Variants in LRP3 observed in about 807,000 individuals in gnomAD.
The protein encoded by LRP3 is LDL receptor related protein 3.
In LRP3, 49 loss-of-function variants were observed where a neutral mutation model predicts 58.5. The ratio of observed to expected loss-of-function variants is 0.84; its 90% CI spans 0.67 to 1.06. LRP3 has a LOEUF of 1.06. Among genes scored for constraint, LRP3 ranks in the 50% least tolerant of loss-of-function variants. LRP3 has a pLI of 0.00. For missense variants in LRP3, 1,019 were observed against 1,134.2 expected (o/e 0.90, Z 1.46); for synonymous variants, 485 against 492.2 (o/e 0.99, Z 0.20).
chr19:33,197,032 T>G (rs535032189), intron 2 of LRP3, among the ~76,000 whole-genome samples: 27 of 152,090 alleles, frequency 1.8e-4, no homozygotes, highest in Non-Finnish European at 3.7e-4. Flanking sequence ...TGAGGCAAGC[T>G]CTTAGTGTGG....
intron 1 of LRP3, among the ~76,000 whole-genome samples, chr19:33,195,566 A>G (rs959595777): frequency 2.7e-4 from 41 of 152,218 alleles, no homozygotes; most frequent in African/African-American, 8.4e-4. Context: ...GGAGGCCATT[A>G]TAAGAACTGG....
chr19:33,205,343 T>C lies in LRP3; in HGVS notation c.573T>C (p.Cys191=), dbSNP rs1256370062. ...GGCAGTGCAACACGGTGGACGAGTG[T>C]GGAGACGGCTCTGATGAGGGCAACT... ...GPWQCNTVDE[C]GDGSDEGNCS... is the part of the protein sequence containing the mutation. Residue 191 remains cysteine, a synonymous_variant, in exon 5 of 7, where the codon TGT becomes TGC. Transcript: ENST00000253193. 16 of 1,610,032 alleles carry C rather than the reference T, an allele frequency of 9.9e-6. No homozygotes were observed. The highest frequency in any genetic ancestry group is 1.4e-5 in the Non-Finnish European group (16 of 1,178,286).
At position 33,205,571 on chromosome 19, in the gene LRP3, C is replaced by T; in HGVS notation, c.801C>T (p.Ser267=). The stretch of plus-strand genomic sequence containing the variant: ...GCAGCTTCTACGGCTCCTTTGCCTC[C>T]CCAGACCTGTTCGGCGCCGCTCGCG... The part of the protein sequence containing the change: ...RLGSFYGSFA[S]PDLFGAARGP... The change falls in exon 5 of 7, where the codon TCC becomes TCT. Residue 267 remains serine (S), a synonymous_variant. Transcript: ENST00000253193. 1 of 1,608,154 alleles carries T rather than the reference C, an allele frequency of 6.2e-7. No homozygotes were observed. Among genetic ancestry groups the T allele is most frequent in the Non-Finnish European group, 8.5e-7 (1 of 1,178,764 alleles).
chr19:33,198,153 C>G (rs1744094327), intron 2 of LRP3, among the ~76,000 whole-genome samples: 1 of 152,168 alleles, frequency 6.6e-6, no homozygotes, highest in Non-Finnish European at 1.5e-5. Flanking sequence ...GGACACCCTC[C>G]TGCTGGTGGG....
At position 33,206,345 on chromosome 19, in the gene LRP3, G is replaced by T; in HGVS notation, c.1575G>T (p.Leu525=). ...GCTGCGCCTTCAAGCTCTACTCACT[G>T]CGCACGCAGGAATACAGGTGGGCGC... ...ALGCAFKLYS[L]RTQEYRAFET... The change falls in exon 5 of 7, where the codon CTG becomes CTT. Residue 525 remains leucine, a synonymous_variant. Coordinates refer to ENST00000253193, the MANE Select transcript of LRP3 (RefSeq NM_002333.4). 1 of 1,604,390 alleles carries T rather than the reference G, an allele frequency of 6.2e-7. No individual in the cohort carries two copies.
chr19:33,205,662 C>T lies in LRP3; in HGVS notation c.892C>T (p.Leu298=), dbSNP rs772669074. 5 of 1,609,244 alleles carry T rather than the reference C, an allele frequency of 3.1e-6. No individual in the cohort carries two copies. In the Admixed American group the frequency reaches 8.3e-5, roughly 27 times the overall value. The change falls in exon 5 of 7, where the codon CTG becomes TTG. Residue 298 remains leucine, a synonymous_variant. Coordinates refer to ENST00000253193, the MANE Select transcript of LRP3 (RefSeq NM_002333.4). ...GGACTCCCGGCGGGTGCTGCTGCAG[C>T]TGGAACTGCGGCTGGGCTATGACGA... is the stretch of plus-strand genomic sequence containing the variant. The part of the protein sequence containing the change: ...TQDSRRVLLQ[L]ELRLGYDDYV...
At chr19:33,199,127 C>T (rs866267732) in intron 2 of LRP3, among the ~76,000 whole-genome samples, 10 of 152,248 alleles carry the variant, frequency 6.6e-5, no homozygotes, top group Middle Eastern at 6.8e-3. Flanking sequence ...CCAACACCTC[C>T]GAACCCCTCC....
chr19:33,202,881 A>G lies in LRP3; in HGVS notation c.155A>G (p.Glu52Gly). 1 of 1,611,160 alleles carries G rather than the reference A, an allele frequency of 6.2e-7. No individual in the cohort carries two copies. Among genetic ancestry groups the G allele is most frequent in the Non-Finnish European group, 8.5e-7 (1 of 1,178,904 alleles). ...AGTGGGAAGCTGGAGCAGCACACGGAGCGGCGTGGGGTCATCTACAGCCCG... is the reference window on the plus strand; with the variant it reads ...AGTGGGAAGCTGGAGCAGCACACGGGGCGGCGTGGGGTCATCTACAGCCCG... Reference protein sequence around the residue: ...ACSGKLEQHTERRGVIYSPAW... With the variant: ...ACSGKLEQHTGRRGVIYSPAW... The change falls in exon 3 of 7, where the codon GAG becomes GGG. Residue 52 changes from glutamate to glycine, a missense_variant. Physicochemically the swap from Glu to Gly is moderately conservative, Grantham distance 98 (BLOSUM62 -2). This residue lies in a region of LRP3 where 592 missense variants were observed against 725.5 expected (regional missense o/e 0.82). Transcript: ENST00000253193.
At chr19:33,201,127 A>AGG (rs1161960428) in intron 2 of LRP3, among the ~76,000 whole-genome samples, 1 of 152,222 alleles carries the variant, frequency 6.6e-6, no homozygotes, top group Non-Finnish European at 1.5e-5. Context: ...GGCACTGTGC[A>AGG]GGGCCCTGGG....
At chr19:33,197,445 T>A (rs1221779507) in intron 2 of LRP3, among the ~76,000 whole-genome samples, 1 of 151,912 alleles carries the variant, frequency 6.6e-6, no homozygotes, top group African/African-American at 2.4e-5. Context: ...AGCAACATAG[T>A]GAAACTCCAT....
chr19:33,204,480 A>G (rs1599936049), intron 3 of LRP3, 158 bp from the exon 4 acceptor site: 3 of 649,098 alleles, frequency 4.6e-6, no homozygotes, highest in Non-Finnish European at 8.2e-6. Context: ...CTGGGAGTGG[A>G]GGAACCAGGC....
chr19:33,196,865 C>G (rs538441754), intron 2 of LRP3, 88 bp downstream of exon 2: 1 of 1,222,208 alleles, frequency 8.2e-7, no homozygotes, highest in African/African-American at 1.5e-5. Flanking sequence ...GGTCCTGGCA[C>G]TACCCCGAGT....
chr19:33,202,198 C>G (rs1169405630), intron 2 of LRP3, among the ~76,000 whole-genome samples: 1 of 152,250 alleles, frequency 6.6e-6, no homozygotes, highest in South Asian at 2.1e-4. Context: ...AAGGTGTGAT[C>G]AGATCCAGGT....
At chr19:33,201,341 G>A (rs1974339126) in intron 2 of LRP3, among the ~76,000 whole-genome samples, 1 of 152,166 alleles carries the variant, frequency 6.6e-6, no homozygotes, top group Admixed American at 6.5e-5. Context: ...GGTGGGGATA[G>A]CACCCACTAG....
At chr19:33,202,814 T>C in intron 2 of LRP3, 34 bp from the exon 3 acceptor site, 4 of 1,575,572 alleles carry the variant, frequency 2.5e-6, no homozygotes, top group Non-Finnish European at 3.4e-6. Context: ...CAACCAAAGA[T>C]GGGCCGGCCT....
chr19:33,208,733 C>A lies in LRP3; in HGVS notation c.*1158C>A. The A allele has an allele frequency of 1.1e-6, 1 of 914,492 alleles. No homozygotes were observed. Among genetic ancestry groups the A allele is most frequent in the Non-Finnish European group, 1.6e-6 (1 of 606,228 alleles). The allele number at this position is 914,492 out of a possible 1,614,324, so 56.6% of individuals were successfully genotyped here. On this transcript the variant is annotated 3_prime_UTR_variant, in exon 7 of 7. Transcript: ENST00000253193. The surrounding 1 kb of genome is among the most constrained non-coding windows in gnomAD (Gnocchi z 4.7). ...AGCAGGGCAGTGCTAAGACAGGAAA[C>A]CCAGTCCACATTTTAGGGCTTCCTT...
Position 33,208,826 on chromosome 19 carries a change from G to A in LRP3, c.*1251G>A. 3 of 1,502,544 alleles carry A rather than the reference G, an allele frequency of 2.0e-6. No homozygotes were observed. The highest frequency in any genetic ancestry group is 2.3e-5 in the South Asian group (2 of 87,078). 93.1% of individuals were successfully genotyped at this position (1,502,544 alleles called of 1,614,324 possible). A position where few individuals can be genotyped will look rare whatever the true frequency, so the allele number is the denominator to read the frequency against. ...GAAAAAAACAAAACAAAACTTTTTT[G>A]CCAAAACACCTCCTCAATAAACAAC... On this transcript the variant is annotated 3_prime_UTR_variant, in exon 7 of 7. Transcript: ENST00000253193. The surrounding 1 kb of genome is among the most constrained non-coding windows in gnomAD (Gnocchi z 4.7).
chr19:33,198,152 C>G (rs1356014170), intron 2 of LRP3, among the ~76,000 whole-genome samples: 1 of 152,186 alleles, frequency 6.6e-6, no homozygotes, highest in African/African-American at 2.4e-5. Context: ...AGGACACCCT[C>G]CTGCTGGTGG....
At chr19:33,199,474 G>C (rs1311013254) in intron 2 of LRP3, among the ~76,000 whole-genome samples, 1 of 129,880 alleles carries the variant, frequency 7.7e-6, no homozygotes, top group Admixed American at 8.0e-5. Flanking sequence ...TCTTGTCTCA[G>C]AAAAAAAAAA....
Sources: gnomAD v4.1 joint callset for allele counts (sites outside exome capture counted in the v4.1 genomes callset) on GRCh38, gnomAD v4.1.1 for gene constraint, gnomAD v4.1.1 regional missense constraint, Gnocchi (gnomAD v3.1) non-coding constraint, MANE v1.5 for transcripts, NCBI Gene and HGNC (gene_info 2026-07-23, HGNC 2026-07-21) for gene names.